The following HS3ST1 variants were observed in gnomAD, a reference collection of about 807,000 sequenced individuals.
HS3ST1 encodes the protein heparan sulfate-glucosamine 3-sulfotransferase 1.
In HS3ST1, 8 loss-of-function variants were observed where a neutral mutation model predicts 20.7. That is an observed-to-expected ratio of 0.39 (90% CI 0.23 to 0.70). The LOEUF (loss-of-function observed/expected upper bound fraction) is 0.70, where lower values mean the gene tolerates loss of function less well. Ranked by LOEUF, HS3ST1 falls within the 30% of genes least tolerant of loss-of-function variation. HS3ST1 has a pLI of 0.46. For missense variants in HS3ST1, 436 were observed against 423.4 expected, an observed-to-expected ratio of 1.03 and a Z score of -0.26; for synonymous variants, 205 against 190.4, an observed-to-expected ratio of 1.08 and a Z score of -0.63.
At chr4:11,427,451 T>A (rs2108892911) in intron 1 of HS3ST1, among the ~76,000 whole-genome samples, 1 of 152,358 alleles carries the variant, frequency 6.6e-6, no homozygotes, top group African/African-American at 2.4e-5. Context: ...TGCTCCATGC[T>A]AACAGGAGAC....
chr4:11,398,961 GA>G lies in HS3ST1; in HGVS notation c.*120del. 3 of 865,024 alleles carry G rather than the reference GA, an allele frequency of 3.5e-6. No homozygotes were observed. Among genetic ancestry groups the G allele is most frequent in the Non-Finnish European group, 5.3e-6 (3 of 563,142 alleles). The allele number at this position is 865,024 out of a possible 1,614,324, so 53.6% of individuals were successfully genotyped here. On this transcript the variant is annotated 3_prime_UTR_variant, in exon 2 of 2. Coordinates refer to ENST00000002596, the MANE Select transcript of HS3ST1 (RefSeq NM_005114.4). ...GCAATTGTGAATCTAATACTGTACA[GA>G]AGTACTTTATGGATTTTACAAATAA... is the stretch of plus-strand genomic sequence containing the variant.
At chr4:11,418,587 C>T (rs1718846970) in intron 1 of HS3ST1, among the ~76,000 whole-genome samples, 1 of 152,166 alleles carries the variant, frequency 6.6e-6, no homozygotes, top group Non-Finnish European at 1.5e-5. Flanking sequence ...GCTCTGGCCC[C>T]AAGAATGATC....
chr4:11,404,952 A>T (rs1718425457), intron 1 of HS3ST1, among the ~76,000 whole-genome samples: 1 of 152,264 alleles, frequency 6.6e-6, no homozygotes, highest in African/African-American at 2.4e-5. Context: ...TCTTGTGTCT[A>T]GAAAGTTAGA....
At chr4:11,407,369 C>T (rs1718494921) in intron 1 of HS3ST1, among the ~76,000 whole-genome samples, 1 of 152,126 alleles carries the variant, frequency 6.6e-6, no homozygotes, top group African/African-American at 2.4e-5. Flanking sequence ...TTCTGTGCTT[C>T]CTTGAATCCT....
At chr4:11,413,585 A>G (rs1377158593) in intron 1 of HS3ST1, among the ~76,000 whole-genome samples, 1 of 152,196 alleles carries the variant, frequency 6.6e-6, no homozygotes, top group African/African-American at 2.4e-5. Context: ...CTAAGAAATT[A>G]GAGACACAGT....
intron 1 of HS3ST1, among the ~76,000 whole-genome samples, chr4:11,413,753 G>A (rs1015248898): frequency 2.6e-5 from 4 of 152,040 alleles, no homozygotes; most frequent in Non-Finnish European, 5.9e-5. Flanking sequence ...GGATGCTTGT[G>A]GGAAGAGCAC....
At chr4:11,400,518 T>C (rs145353069) in intron 1 of HS3ST1, among the ~76,000 whole-genome samples, 74 of 152,326 alleles carry the variant, frequency 4.9e-4, no homozygotes, top group Admixed American at 8.5e-4. Flanking sequence ...GCTGGCTGCA[T>C]ACAACCAGGC....
chr4:11,408,289 C>T (rs1485479286), intron 1 of HS3ST1, among the ~76,000 whole-genome samples: 1 of 152,064 alleles, frequency 6.6e-6, no homozygotes, highest in African/African-American at 2.4e-5. Flanking sequence ...AGGGCATTGC[C>T]ATACTGACTG....
intron 1 of HS3ST1, among the ~76,000 whole-genome samples, chr4:11,418,501 T>A (rs539748970): frequency 6.6e-6 from 1 of 152,342 alleles, no homozygotes; most frequent in East Asian, 1.9e-4. Context: ...CTTCAAATAC[T>A]ACACTCCCTT....
At chr4:11,430,687 G>C (rs1453723262), upstream of HS3ST1, among the ~76,000 whole-genome samples, 3 of 152,158 alleles carry the variant, frequency 2.0e-5, no homozygotes, top group African/African-American at 7.2e-5. Context: ...CCAAAGGCAG[G>C]TTACTCACCC....
intron 1 of HS3ST1, among the ~76,000 whole-genome samples, chr4:11,413,117 C>T (rs569142027): frequency 2.6e-5 from 4 of 152,176 alleles, no homozygotes; most frequent in Non-Finnish European, 5.9e-5. Flanking sequence ...AAGTCAGTTT[C>T]TGTTGTTCAT....
At chr4:11,418,404 C>G (rs149003909) in intron 1 of HS3ST1, among the ~76,000 whole-genome samples, 56 of 152,290 alleles carry the variant, frequency 3.7e-4, no homozygotes, top group African/African-American at 1.2e-3. Flanking sequence ...ATTCTCACAA[C>G]AAAAGTCCAT....
intron 1 of HS3ST1, among the ~76,000 whole-genome samples, chr4:11,423,021 CAAA>C (rs71181101): frequency 0.015 from 523 of 34,288 alleles, no homozygotes; most frequent in African/African-American, 0.059. Context: ...GAGACACCGT[CAAA>C]AAAAAAAAAA....
intron 1 of HS3ST1, among the ~76,000 whole-genome samples, chr4:11,426,644 A>G (rs906791588): frequency 6.6e-6 from 1 of 152,238 alleles, no homozygotes; most frequent in Non-Finnish European, 1.5e-5. Context: ...GCACAGCTTA[A>G]TAAGCCTCAC....
At chr4:11,422,181 A>G (rs953628159) in intron 1 of HS3ST1, among the ~76,000 whole-genome samples, 2 of 152,212 alleles carry the variant, frequency 1.3e-5, no homozygotes, top group African/African-American at 2.4e-5. Flanking sequence ...TTTGAGGGCT[A>G]TGCAATTTTG....
intron 1 of HS3ST1, among the ~76,000 whole-genome samples, chr4:11,406,278 A>G (rs1393839402): frequency 6.6e-6 from 1 of 152,222 alleles, no homozygotes; most frequent in Admixed American, 6.5e-5. Context: ...GGTGGGGAGT[A>G]GTAGATGAGC....
chr4:11,432,792 G>A (rs1456541407), upstream of HS3ST1, among the ~76,000 whole-genome samples: 3 of 152,180 alleles, frequency 2.0e-5, no homozygotes, highest in African/African-American at 7.2e-5. Context: ...GCTAGTGAGA[G>A]GGGAAATGAG....
intron 1 of HS3ST1, among the ~76,000 whole-genome samples, chr4:11,410,700 G>T (rs224461): frequency 0.53 from 80,681 of 151,902 alleles, 21,612 homozygotes; most frequent in East Asian, 0.62. Context: ...AAGACCAGCC[G>T]GTCAAACATG....
In HS3ST1 at chr4:11,397,890, T is replaced by G. The variant is rs893981580; in HGVS notation, c.*1192A>C. ...GGGTTTAATTCTGTAAAAGGCTGAC[T>G]GCATGAAGAATGCATGAAAAAACTG... On this transcript the variant is annotated 3_prime_UTR_variant, in exon 2 of 2. Coordinates refer to ENST00000002596, the MANE Select transcript of HS3ST1 (RefSeq NM_005114.4). 6.6e-6 allele frequency: 1 copy of G among 152,224 alleles called. No homozygotes were observed. The highest frequency in any genetic ancestry group is 1.5e-5 in the Non-Finnish European group (1 of 68,050). The allele number at this position is 152,224 out of a possible 1,614,324, so 9.4% of individuals were successfully genotyped here. A position where few individuals can be genotyped will look rare whatever the true frequency, so the allele number is the denominator to read the frequency against.
Sources: allele counts gnomAD v4.1 joint callset (sites outside exome capture counted in the v4.1 genomes callset), GRCh38; gene constraint gnomAD v4.1.1; transcripts MANE v1.5; gene names NCBI Gene and HGNC (gene_info 2026-07-23, HGNC 2026-07-21).